Variants in PTPRR observed in about 807,000 individuals in gnomAD.
PTPRR encodes the protein receptor-type tyrosine-protein phosphatase R.
PTPRR carries 38 observed loss-of-function variants against 77.2 expected under a neutral mutation model. That is an observed-to-expected ratio of 0.49 (90% confidence interval 0.38 to 0.65). The LOEUF (loss-of-function observed/expected upper bound fraction) is 0.65. Ranked by LOEUF, PTPRR falls within the 30% of genes least tolerant of loss-of-function variation. PTPRR has a pLI of 0.00. For synonymous variants in PTPRR, 299 were observed against 283.1 expected (o/e 1.06, Z -0.57); for missense variants, 744 against 799.2 (o/e 0.93, Z 0.83).
intron 2 of PTPRR, among the ~76,000 whole-genome samples, chr12:70,800,817 C>A (rs1236206700): frequency 6.6e-6 from 1 of 152,000 alleles, no homozygotes; most frequent in East Asian, 1.9e-4. Context: ...ATCGCTTGAA[C>A]CCGGGTGGCG....
At chr12:70,779,498 C>G (rs1315497876) in intron 2 of PTPRR, among the ~76,000 whole-genome samples, 3 of 152,178 alleles carry the variant, frequency 2.0e-5, no homozygotes, top group Non-Finnish European at 4.4e-5. Flanking sequence ...GAGGCCTTCC[C>G]AGCCTGACCA....
At chr12:70,663,866 A>C (rs1886883596) in intron 10 of PTPRR, among the ~76,000 whole-genome samples, 1 of 152,210 alleles carries the variant, frequency 6.6e-6, no homozygotes, top group East Asian at 1.9e-4. Context: ...GTTTCTTCAC[A>C]TCTTTGTCAA....
intron 2 of PTPRR, among the ~76,000 whole-genome samples, chr12:70,831,579 T>A (rs988132916): frequency 2.0e-5 from 3 of 152,118 alleles, no homozygotes; most frequent in African/African-American, 4.8e-5. Context: ...CTGGGTGAAG[T>A]GTTCTGTTGT....
intron 3 of PTPRR, among the ~76,000 whole-genome samples, chr12:70,762,294 TAC>T (rs147039273): frequency 1.4e-4 from 21 of 149,074 alleles, no homozygotes; most frequent in East Asian, 5.9e-4. Flanking sequence ...TACACACACA[TAC>T]ACACACACAC....
At chr12:70,860,461 T>A (rs554736033) in intron 2 of PTPRR, among the ~76,000 whole-genome samples, 78 of 152,228 alleles carry the variant, frequency 5.1e-4, no homozygotes, top group African/African-American at 1.9e-3. Context: ...AGACAGAAAG[T>A]TCACTTTAAT....
intron 13 of PTPRR, among the ~76,000 whole-genome samples, chr12:70,641,445 C>A (rs1033770540): frequency 2.0e-5 from 3 of 152,184 alleles, no homozygotes; most frequent in African/African-American, 7.2e-5. Flanking sequence ...AACTGTTTCA[C>A]CCTAAGTGGG....
chr12:70,653,722 T>G lies in PTPRR; in HGVS notation c.1880+2982A>C, dbSNP rs138500671. Among the ~76,000 whole-genome samples, 534 of 152,278 alleles carry G rather than the reference T, an allele frequency of 3.5e-3. 3 individuals are homozygous for G. The highest frequency in any genetic ancestry group is 0.012 in the African/African-American group (487 of 41,566). The stretch of plus-strand genomic sequence containing the variant: ...ATCCTTACAATAATAATAGGAAATA[T>G]ATACTACTATTACTCCAATTTTCCA... On this transcript the variant is annotated intron_variant, in intron 13 of 13. Coordinates refer to ENST00000283228, the MANE Select transcript of PTPRR (RefSeq NM_002849.4).
chr12:70,737,551 C>T (rs539429852), intron 6 of PTPRR, among the ~76,000 whole-genome samples: 2 of 151,050 alleles, frequency 1.3e-5, no homozygotes, highest in Non-Finnish European at 3.0e-5. Context: ...GACAAAGTCT[C>T]GCTGTTTTGC....
chr12:70,643,080 G>A (rs887795270), intron 13 of PTPRR, among the ~76,000 whole-genome samples: 3 of 152,156 alleles, frequency 2.0e-5, no homozygotes, highest in African/African-American at 7.2e-5. Flanking sequence ...TGAGGCCAGA[G>A]GATAGCATTT....
chr12:70,805,943 G>A (rs981557497), intron 2 of PTPRR, among the ~76,000 whole-genome samples: 17 of 152,114 alleles, frequency 1.1e-4, no homozygotes, highest in Middle Eastern at 3.2e-3. Flanking sequence ...TGTGGGTCTT[G>A]GCCAGAAACA....
chr12:70,815,646 G>A (rs971581011), intron 2 of PTPRR, among the ~76,000 whole-genome samples: 6 of 152,128 alleles, frequency 3.9e-5, no homozygotes, highest in Admixed American at 6.5e-5. Context: ...AGACTTCAAA[G>A]AGAATATAAA....
At chr12:70,732,983 G>A (rs1889715998) in intron 6 of PTPRR, among the ~76,000 whole-genome samples, 1 of 152,112 alleles carries the variant, frequency 6.6e-6, no homozygotes, top group Admixed American at 6.5e-5. Flanking sequence ...CAAGGTGGTA[G>A]GCATTGTGCT....
intron 8 of PTPRR, among the ~76,000 whole-genome samples, chr12:70,693,135 C>T (rs751596920): frequency 2.0e-4 from 30 of 152,226 alleles, no homozygotes; most frequent in Admixed American, 1.3e-3. Context: ...TGAAAAGAGG[C>T]CTGCTTCCTT....
chr12:70,756,266 C>A (rs1890561356), intron 4 of PTPRR, among the ~76,000 whole-genome samples: 2 of 151,952 alleles, frequency 1.3e-5, no homozygotes, highest in African/African-American at 4.8e-5. Context: ...CCTCCCATCC[C>A]CCACTCCCAG....
chr12:70,721,580 T>C (rs1424506865), intron 6 of PTPRR, among the ~76,000 whole-genome samples: 1 of 150,654 alleles, frequency 6.6e-6, no homozygotes, highest in Non-Finnish European at 1.5e-5. Flanking sequence ...ACCATCAGCT[T>C]TCTTATAGGG....
At chr12:70,741,783 C>A (rs531323198) in intron 6 of PTPRR, among the ~76,000 whole-genome samples, 20 of 152,196 alleles carry the variant, frequency 1.3e-4, no homozygotes, top group Non-Finnish European at 1.8e-4. Context: ...GCAGGTGAGA[C>A]CCCTGGATCC....
At chr12:70,754,850 C>T in intron 4 of PTPRR, 1 of 970,364 alleles carries the variant, frequency 1.0e-6, no homozygotes, top group Non-Finnish European at 1.4e-6. Context: ...CTGTCAAAAC[C>T]TGACTAAAAT....
chr12:70,640,542 A>G (rs138865054), intron 13 of PTPRR, among the ~76,000 whole-genome samples: 81 of 152,336 alleles, frequency 5.3e-4, no homozygotes, highest in African/African-American at 1.7e-3. Context: ...CACTGTATAA[A>G]AGCATCACTA....
chr12:70,903,169 A>C (rs931733224), intron 1 of PTPRR, among the ~76,000 whole-genome samples: 1 of 151,786 alleles, frequency 6.6e-6, no homozygotes, highest in African/African-American at 2.4e-5. Context: ...AGGAAAAACA[A>C]ATTTTGAGAT....
Sources: allele counts gnomAD v4.1 joint callset (sites outside exome capture counted in the v4.1 genomes callset), GRCh38; gene constraint gnomAD v4.1.1; transcripts MANE v1.5; gene names NCBI Gene and HGNC (gene_info 2026-07-23, HGNC 2026-07-21).